Variants in ZNF717 observed in about 807,000 individuals in gnomAD.
ZNF717 encodes the protein zinc finger protein 717, also known as krueppel-like factor X17.
In ZNF717, 9 loss-of-function variants were observed where a neutral mutation model predicts 13.8. The observed-to-expected ratio is 0.65, with a 90% CI of 0.39 to 1.14. The LOEUF is 1.14. ZNF717 is among the 50% of genes most tolerant of loss of function. The pLI, the probability that ZNF717 is intolerant of heterozygous loss-of-function variation, is 0.01. For synonymous variants in ZNF717, 327 were observed against 364.1 expected, an observed-to-expected ratio of 0.90 and a Z score of 1.16; for missense variants, 1,040 against 1,080.7, an observed-to-expected ratio of 0.96 and a Z score of 0.53.
At chr3:75,780,445 C>G (rs61247998) in intron 2 of ZNF717, among the ~76,000 whole-genome samples, 14,107 of 152,124 alleles carry the variant, frequency 0.093, 1,089 homozygotes, top group African/African-American at 0.2. Flanking sequence ...TGCTCTGTCC[C>G]CCAGAGTGGA....
At chr3:75,720,821 A>G (rs1402780884) in intron 4 of ZNF717, among the ~76,000 whole-genome samples, 2 of 152,196 alleles carry the variant, frequency 1.3e-5, no homozygotes, top group Non-Finnish European at 2.9e-5. Context: ...CATTTTTACT[A>G]AAAAGAAAAA....
chr3:75,749,946 A>G (rs1424966792), intron 2 of ZNF717, among the ~76,000 whole-genome samples: 2 of 151,786 alleles, frequency 1.3e-5, no homozygotes, highest in Middle Eastern at 3.4e-3. Context: ...ATAGGATTCC[A>G]GAATACTGCT....
chr3:75,784,525 T>A (rs965708943), intron 1 of ZNF717, among the ~76,000 whole-genome samples: 5 of 152,148 alleles, frequency 3.3e-5, no homozygotes, highest in Non-Finnish European at 5.9e-5. Context: ...CGAGGAAAGG[T>A]TGAAGGAATG....
chr3:75,736,925 C>T lies in ZNF717; in HGVS notation c.2698G>A (p.Ala900Thr). Residue 900 changes from alanine to threonine, a missense_variant, in exon 5 of 5, where the codon GCT becomes ACT. Transcript: ENST00000652011. ...TGAGGGAACACATAGCCTGCCTCAGCTACGTCAGATTTCTCTCCTATATGG... is the reference window on the plus strand; with the variant it reads ...TGAGGGAACACATAGCCTGCCTCAGTTACGTCAGATTTCTCTCCTATATGG... The part of the protein sequence containing the change: ...QTHIGEKSDV[A>T]EAGYVFPQNH... 6.4e-7 allele frequency: 1 copy of T among 1,561,164 alleles called. No homozygotes were observed. The highest frequency in any genetic ancestry group is 1.9e-5 in the Admixed American group (1 of 51,556).
In ZNF717 at chr3:75,736,208, C is replaced by T. The variant is rs1487454580; in HGVS notation, c.*670G>A. 2.0e-5 allele frequency: 3 copies of T among 152,392 alleles called. No individual in the cohort carries two copies. Among genetic ancestry groups the T allele is most frequent in the Middle Eastern group, 3.4e-3 (1 of 294 alleles). 9.4% of individuals were successfully genotyped at this position (152,392 alleles called of 1,614,324 possible). ...TCTCTGTTTCTCTCTTCTAGCTCCC[C>T]ATTCCCCAAGATACAACAATGAAAT... On this transcript the variant is annotated 3_prime_UTR_variant, in exon 5 of 5. Coordinates refer to ENST00000652011, the MANE Select transcript of ZNF717 (RefSeq NM_001290208.3).
At chr3:75,711,874 A>C (rs1575716553) in intron 5 of ZNF717, among the ~76,000 whole-genome samples, 1 of 152,232 alleles carries the variant, frequency 6.6e-6, no homozygotes, top group Admixed American at 6.5e-5. Flanking sequence ...AATGACAAAA[A>C]CTTGGAATAG....
chr3:75,736,628 GA>G lies in ZNF717; in HGVS notation c.*249del, dbSNP rs1939255481. On this transcript the variant is annotated 3_prime_UTR_variant, in exon 5 of 5. Coordinates refer to ENST00000652011, the MANE Select transcript of ZNF717 (RefSeq NM_001290208.3). Reference sequence around the variant, plus strand: ...GAAGAGAGGTGAGGAAGTTGCAGAAGAAATGTTTGAAGCTGGCAGAGGTTGG... The same window carrying G: ...GAAGAGAGGTGAGGAAGTTGCAGAAGAATGTTTGAAGCTGGCAGAGGTTGG... The G allele has an allele frequency of 8.3e-6, 4 of 480,384 alleles. No individual in the cohort carries two copies. The Admixed American group carries it at 1.4e-4, about 17-fold the overall frequency. The allele number at this position is 480,384 out of a possible 1,614,324, so 29.8% of individuals were successfully genotyped here.
chr3:75,770,004 T>C (rs1943766755), intron 2 of ZNF717, among the ~76,000 whole-genome samples: 1 of 152,242 alleles, frequency 6.6e-6, no homozygotes. Flanking sequence ...TTCTTGGTTT[T>C]TGTCTTTGCA....
At chr3:75,784,194 G>A (rs62269683) in intron 1 of ZNF717, among the ~76,000 whole-genome samples, 14,171 of 152,146 alleles carry the variant, frequency 0.093, 1,133 homozygotes, top group African/African-American at 0.2. Context: ...TGTGACCAAG[G>A]CCTCTTTTGT....
chr3:75,782,562 T>C (rs1944893428), intron 2 of ZNF717, among the ~76,000 whole-genome samples: 1 of 151,692 alleles, frequency 6.6e-6, no homozygotes, highest in Non-Finnish European at 1.5e-5. Context: ...AAGTGTTTAC[T>C]GCCAGGCTGG....
chr3:75,763,927 T>C (rs1326460006), intron 2 of ZNF717, among the ~76,000 whole-genome samples: 1 of 152,230 alleles, frequency 6.6e-6, no homozygotes, highest in Non-Finnish European at 1.5e-5. Context: ...AACAGCCTAG[T>C]GCCTGAAGAA....
At chr3:75,730,497 A>G (rs1938466214) in exon 6 of ZNF717, 2 of 566,894 alleles carry the variant, frequency 3.5e-6, no homozygotes, top group Non-Finnish European at 6.2e-6. Flanking sequence ...AAAGAACAAT[A>G]TGATGGCCAG....
chr3:75,727,287 T>C (rs1938304375), downstream of ZNF717, among the ~76,000 whole-genome samples: 1 of 152,200 alleles, frequency 6.6e-6, no homozygotes, highest in African/African-American at 2.4e-5. Flanking sequence ...GTTTGAACAA[T>C]ATGAAATCAG....
chr3:75,711,289 T>TA (rs1241329744), exon 6 of ZNF717: 1 of 152,256 alleles, frequency 6.6e-6, no homozygotes, highest in African/African-American at 2.4e-5. Context: ...AAACTATAGG[T>TA]AGCTTACGAG....
intron 2 of ZNF717, among the ~76,000 whole-genome samples, chr3:75,761,334 T>C (rs1263911068): frequency 6.6e-6 from 1 of 152,246 alleles, no homozygotes; most frequent in East Asian, 1.9e-4. Context: ...TGAACACCTT[T>C]CATAATAAAA....
At chr3:75,729,277 G>C (rs2106892380), downstream of ZNF717, among the ~76,000 whole-genome samples, 1 of 152,368 alleles carries the variant, frequency 6.6e-6, no homozygotes. Flanking sequence ...ATTTGTGTCA[G>C]GTGGGCAGAA....
downstream of ZNF717, among the ~76,000 whole-genome samples, chr3:75,707,653 T>C (rs1447087587): frequency 7.8e-4 from 119 of 152,286 alleles, no homozygotes; most frequent in Non-Finnish European, 1.5e-3. Flanking sequence ...GAGTGAGGCA[T>C]TGCCTCACTC....
At chr3:75,739,465 T>C (rs1940053787) in intron 4 of ZNF717, 120 bp from the exon 5 acceptor site, 3 of 585,878 alleles carry the variant, frequency 5.1e-6, no homozygotes, top group South Asian at 4.7e-5. Flanking sequence ...AAAATAAATA[T>C]GGGTATTGGT....
intron 2 of ZNF717, among the ~76,000 whole-genome samples, chr3:75,781,058 A>G (rs534445570): frequency 2.6e-5 from 4 of 152,264 alleles, no homozygotes; most frequent in African/African-American, 9.6e-5. Flanking sequence ...TGAGAAAATA[A>G]CCAAAGGGAA....
Sources: gnomAD v4.1 joint callset for allele counts (sites outside exome capture counted in the v4.1 genomes callset) on GRCh38, gnomAD v4.1.1 for gene constraint, MANE v1.5 for transcripts, NCBI Gene and HGNC (gene_info 2026-07-23, HGNC 2026-07-21) for gene names.